MRPL35: variants seen among roughly 807,000 people sequenced by gnomAD.
MRPL35 encodes large ribosomal subunit protein bL35m.
In MRPL35, 18 loss-of-function variants were observed where a neutral mutation model predicts 21.6. The observed-to-expected ratio is 0.83, with a 90% CI of 0.58 to 1.24. MRPL35 has a LOEUF of 1.24. Ranked by LOEUF, MRPL35 falls within the 50% of genes most tolerant of loss-of-function variation. MRPL35 has a pLI of 0.00. For missense variants in MRPL35, 223 were observed against 223.2 expected, an observed-to-expected ratio of 1.00 and a Z score of 0.01; for synonymous variants, 87 against 86.9, an observed-to-expected ratio of 1.00 and a Z score of -0.01.
At chr2:86,199,650 G>A in intron 1 of MRPL35, 117 bp downstream of exon 1, 1 of 1,323,996 alleles carries the variant, frequency 7.6e-7, no homozygotes, top group Non-Finnish European at 1.0e-6. Flanking sequence ...TTTAAGTTAA[G>A]AAGGTTGCGC....
At position 86,213,496 on chromosome 2, in the gene MRPL35, T is replaced by C. The variant is rs1673954777; in HGVS notation, c.*2828T>C. On this transcript the variant is annotated 3_prime_UTR_variant, in exon 4 of 4. Transcript: ENST00000337109. Reference sequence around the variant, plus strand: ...AAATTGGGTCTGTGTTTAATTTTGATGTTTCAAATTTTGAGCTTCCAAGTC... The same window carrying C: ...AAATTGGGTCTGTGTTTAATTTTGACGTTTCAAATTTTGAGCTTCCAAGTC... The C allele has an allele frequency of 7.3e-7, 1 of 1,373,556 alleles. No homozygotes were observed. Among genetic ancestry groups the C allele is most frequent in the Non-Finnish European group, 9.5e-7 (1 of 1,051,528 alleles). The allele number at this position is 1,373,556 out of a possible 1,614,324, so 85.1% of individuals were successfully genotyped here. A position where few individuals can be genotyped will look rare whatever the true frequency, so the allele number is the denominator to read the frequency against.
intron 3 of MRPL35, among the ~76,000 whole-genome samples, chr2:86,207,732 G>A (rs1013474051): frequency 6.6e-6 from 1 of 152,196 alleles, no homozygotes; most frequent in African/African-American, 2.4e-5. Context: ...CCAGCACTTT[G>A]GGAGGCCAAG....
Position 86,210,768 on chromosome 2 carries a change from A to G in MRPL35, c.*100A>G, listed in dbSNP as rs534199791. The G allele has an allele frequency of 1.9e-5, 27 of 1,450,180 alleles. 2 individuals carry two copies. The South Asian group carries it at 3.2e-4, about 17-fold the overall frequency. The allele number at this position is 1,450,180 out of a possible 1,614,324, so 89.8% of individuals were successfully genotyped here. A position where few individuals can be genotyped will look rare whatever the true frequency, so the allele number is the denominator to read the frequency against. On this transcript the variant is annotated 3_prime_UTR_variant, in exon 4 of 4. Coordinates refer to ENST00000337109, the MANE Select transcript of MRPL35 (RefSeq NM_016622.4). ...ACAAAACTTGATGTAAATTGTACCAATGAATACGTAAACATACAGTGACAA... is the reference window on the plus strand; with the variant it reads ...ACAAAACTTGATGTAAATTGTACCAGTGAATACGTAAACATACAGTGACAA...
Position 86,213,764 on chromosome 2 carries a change from A to C in MRPL35, c.*3096A>C. ...CTAGTTTCTGCCGATGATTTTTTTAAATGTGAAATAAACAGTGATACTTTC... is the reference window on the plus strand; with the variant it reads ...CTAGTTTCTGCCGATGATTTTTTTACATGTGAAATAAACAGTGATACTTTC... On this transcript the variant is annotated 3_prime_UTR_variant, in exon 4 of 4. Transcript: ENST00000337109. The C allele has an allele frequency of 6.0e-6, 8 of 1,325,458 alleles. No homozygotes were observed. Among genetic ancestry groups the C allele is most frequent in the Non-Finnish European group, 8.4e-6 (8 of 955,360 alleles). 82.1% of individuals were successfully genotyped at this position (1,325,458 alleles called of 1,614,324 possible).
At chr2:86,208,431 C>T (rs1573972369) in intron 3 of MRPL35, among the ~76,000 whole-genome samples, 1 of 152,010 alleles carries the variant, frequency 6.6e-6, no homozygotes, top group South Asian at 2.1e-4. Context: ...CTCAGCCTTC[C>T]GAGTAGCTGG....
Position 86,213,155 on chromosome 2 carries a change from A to G in MRPL35, c.*2487A>G. On this transcript the variant is annotated 3_prime_UTR_variant, in exon 4 of 4. Transcript: ENST00000337109. ...TGTATTTCCCTGAGTCTTCTAACAT[A>G]TGAAAATTCATATCTAAATCAACAA... is the stretch of plus-strand genomic sequence containing the variant. The G allele has an allele frequency of 8.1e-6, 8 of 986,770 alleles. No individual in the cohort carries two copies. The highest frequency in any genetic ancestry group is 9.6e-6 in the Non-Finnish European group (8 of 830,784). 61.1% of individuals were successfully genotyped at this position (986,770 alleles called of 1,614,324 possible).
In MRPL35 at chr2:86,212,902, G is replaced by A; in HGVS notation, c.*2234G>A. ...ATTTATGTATAGTTTGTTTATTCAG[G>A]TATATGTATAATTTATTGAACACCT... is the stretch of plus-strand genomic sequence containing the variant. On this transcript the variant is annotated 3_prime_UTR_variant, in exon 4 of 4. Coordinates refer to ENST00000337109, the MANE Select transcript of MRPL35 (RefSeq NM_016622.4). 1 of 821,640 alleles carries A rather than the reference G, an allele frequency of 1.2e-6. No homozygotes were observed. The highest frequency in any genetic ancestry group is 5.6e-5 in the South Asian group (1 of 17,854). The allele number at this position is 821,640 out of a possible 1,614,324, so 50.9% of individuals were successfully genotyped here. A position where few individuals can be genotyped will look rare whatever the true frequency, so the allele number is the denominator to read the frequency against.
In MRPL35 at chr2:86,210,641, T is replaced by C. The variant is rs74408211; in HGVS notation, c.540T>C (p.Tyr180=). 1,065 of 1,612,346 alleles carry C rather than the reference T, an allele frequency of 6.6e-4. 27 individuals are homozygous for C. In the East Asian group the frequency reaches 0.023, roughly 35 times the overall value. ...ACGTTGATGATCCTTATCAGAAGTA[T>C]CATGATCGAACAAACCTGAAAGTAT... ...NWYVDDPYQK[Y]HDRTNLKV is the part of the protein sequence containing the mutation. Residue 180 remains tyrosine (Y), a synonymous_variant, in exon 4 of 4, where the codon TAT becomes TAC. Coordinates refer to ENST00000337109, the MANE Select transcript of MRPL35 (RefSeq NM_016622.4).
Position 86,211,154 on chromosome 2 carries a change from A to G in MRPL35, c.*486A>G, listed in dbSNP as rs978366478. ...ATGTTTAGGCTTGGGCTCTGCATGC[A>G]TGTGACTTGCTTCTTTTTGCATTGT... is the stretch of plus-strand genomic sequence containing the variant. On this transcript the variant is annotated 3_prime_UTR_variant, in exon 4 of 4. Transcript: ENST00000337109. 1.0e-6 allele frequency: 1 copy of G among 985,802 alleles called. No homozygotes were observed. Among genetic ancestry groups the G allele is most frequent in the Non-Finnish European group, 1.2e-6 (1 of 830,282 alleles). The allele number at this position is 985,802 out of a possible 1,614,324, so 61.1% of individuals were successfully genotyped here. A position where few individuals can be genotyped will look rare whatever the true frequency, so the allele number is the denominator to read the frequency against.
Position 86,211,885 on chromosome 2 carries a change from C to T in MRPL35, c.*1217C>T, listed in dbSNP as rs1471680518. On this transcript the variant is annotated 3_prime_UTR_variant, in exon 4 of 4. Transcript: ENST00000337109. ...ATAAACTTTTCCCACAAATTTTCAA[C>T]AATCATTGTAGAAACTAAGGGGGAG... The T allele has an allele frequency of 1.4e-5, 14 of 985,352 alleles. No homozygotes were observed. The highest frequency in any genetic ancestry group is 1.7e-5 in the Non-Finnish European group (14 of 829,978). 61.0% of individuals were successfully genotyped at this position (985,352 alleles called of 1,614,324 possible).
At chr2:86,210,336 A>T in intron 3 of MRPL35, 144 bp from the exon 4 acceptor site, 1 of 247,606 alleles carries the variant, frequency 4.0e-6, no homozygotes, top group Non-Finnish European at 6.7e-6. Flanking sequence ...CCGGCCATTG[A>T]GAATCACATC....
chr2:86,205,894 T>TA (rs1673779242), intron 1 of MRPL35, among the ~76,000 whole-genome samples: 1 of 152,240 alleles, frequency 6.6e-6, no homozygotes, highest in Non-Finnish European at 1.5e-5. Flanking sequence ...CACAGCTCTC[T>TA]AAATTTTCCA....
At chr2:86,201,036 A>G (rs1673674931) in intron 1 of MRPL35, among the ~76,000 whole-genome samples, 1 of 152,152 alleles carries the variant, frequency 6.6e-6, no homozygotes, top group African/African-American at 2.4e-5. Flanking sequence ...TACAAAGCTG[A>G]TTGATCTCAT....
chr2:86,212,588 T>C lies in MRPL35; in HGVS notation c.*1920T>C. ...ATGATGTCTTTATTGCAAATATGGATGACAAGGGTCTCTGTTACAGGGGCC... is the reference window on the plus strand; with the variant it reads ...ATGATGTCTTTATTGCAAATATGGACGACAAGGGTCTCTGTTACAGGGGCC... On this transcript the variant is annotated 3_prime_UTR_variant, in exon 4 of 4. Transcript: ENST00000337109. The C allele has an allele frequency of 6.8e-7, 1 of 1,476,582 alleles. No individual in the cohort carries two copies. The highest frequency in any genetic ancestry group is 9.0e-7 in the Non-Finnish European group (1 of 1,115,252). 91.5% of individuals were successfully genotyped at this position (1,476,582 alleles called of 1,614,324 possible). A position where few individuals can be genotyped will look rare whatever the true frequency, so the allele number is the denominator to read the frequency against.
intron 1 of MRPL35, among the ~76,000 whole-genome samples, chr2:86,203,247 T>A (rs1045620916): frequency 4.0e-5 from 6 of 150,390 alleles, no homozygotes; most frequent in Non-Finnish European, 7.4e-5. Flanking sequence ...GCCCAGCTAA[T>A]TTTTTTTTGT....
At chr2:86,205,361 TCATAAA>T (rs1218030362) in intron 1 of MRPL35, among the ~76,000 whole-genome samples, 1 of 152,194 alleles carries the variant, frequency 6.6e-6, no homozygotes, top group Admixed American at 6.5e-5. Flanking sequence ...AAGTGGATCA[TCATAAA>T]GGTCTTCATC....
At position 86,206,090 on chromosome 2, in the gene MRPL35, G is replaced by C; in HGVS notation, c.44-16G>C. 1 of 1,580,974 alleles carries C rather than the reference G, an allele frequency of 6.3e-7. No individual in the cohort carries two copies. The highest frequency in any genetic ancestry group is 1.3e-5 in the African/African-American group (1 of 74,158). Reference sequence around the variant, plus strand: ...ATATTTTGGAGTATTAAATATATATGCTCCTATCTTTACAGGAATCCTACG... The same window carrying C: ...ATATTTTGGAGTATTAAATATATATCCTCCTATCTTTACAGGAATCCTACG... On this transcript the variant is annotated splice_polypyrimidine_tract_variant and intron_variant, in intron 1 of 3. Coordinates refer to ENST00000337109, the MANE Select transcript of MRPL35 (RefSeq NM_016622.4).
At position 86,212,950 on chromosome 2, in the gene MRPL35, A is replaced by C. The variant is rs1417501509; in HGVS notation, c.*2282A>C. 5 of 705,414 alleles carry C rather than the reference A, an allele frequency of 7.1e-6. No individual in the cohort carries two copies. Among genetic ancestry groups the C allele is most frequent in the Non-Finnish European group, 8.7e-6 (5 of 574,684 alleles). The allele number at this position is 705,414 out of a possible 1,614,324, so 43.7% of individuals were successfully genotyped here. A position where few individuals can be genotyped will look rare whatever the true frequency, so the allele number is the denominator to read the frequency against. ...CCTACTATGTCCCAGCATATCTACA[A>C]AACTGGGTACATACATACTGTCTAA... On this transcript the variant is annotated 3_prime_UTR_variant, in exon 4 of 4. Transcript: ENST00000337109.
chr2:86,203,246 A>AT (rs949846327), intron 1 of MRPL35, among the ~76,000 whole-genome samples: 16 of 149,774 alleles, frequency 1.1e-4, no homozygotes, highest in African/African-American at 2.5e-4. Context: ...TGCCCAGCTA[A>AT]TTTTTTTTTG....
Sources: gnomAD v4.1 joint callset for allele counts (sites outside exome capture counted in the v4.1 genomes callset) on GRCh38, gnomAD v4.1.1 for gene constraint, MANE v1.5 for transcripts, NCBI Gene and HGNC (gene_info 2026-07-23, HGNC 2026-07-21) for gene names.